The following ATXN10 variants were observed in gnomAD, a reference collection of about 807,000 sequenced individuals.
The protein encoded by ATXN10 is ataxin 10, also known as ataxin-10.
ATXN10 carries 28 observed loss-of-function variants against 52.9 expected under a neutral mutation model. That is an observed-to-expected ratio of 0.53 (90% CI 0.39 to 0.73). The LOEUF (loss-of-function observed/expected upper bound fraction) is 0.73. Among genes scored for constraint, ATXN10 ranks in the 30% least tolerant of loss-of-function variants. The pLI, the probability that ATXN10 is intolerant of heterozygous loss-of-function variation, is 0.00. For synonymous variants in ATXN10, 226 were observed against 221.5 expected (o/e 1.02, Z -0.18); for missense variants, 565 against 577.0 (o/e 0.98, Z 0.21).
Position 45,783,657 on chromosome 22 carries a change from C to T in ATXN10, c.1174-23302C>T, listed in dbSNP as rs5765620. On this transcript the variant is annotated intron_variant, in intron 9 of 11. Transcript: ENST00000252934. This position sits in a 1 kb window ranked among gnomAD's most constrained non-coding sequence, Gnocchi z 5.0. ...TCCCTTATCCCCACCCACATCCTGA[C>T]ATTGGTAAGAGCAGTACCTGTTTCT... Among the ~76,000 whole-genome samples the T allele has an allele frequency of 0.19, 29,107 of 152,152 alleles. 3,576 individuals carry two copies. The highest frequency in any genetic ancestry group is 0.49 in the East Asian group (2,540 of 5,162).
intron 1 of ATXN10, chr22:45,674,261 G>A (rs114512085): frequency 2.0e-5 from 3 of 152,178 alleles, no homozygotes; most frequent in Non-Finnish European, 4.4e-5. Flanking sequence ...GTTGGATTGT[G>A]GGGGGGAGAA....
chr22:45,825,238 G>C lies in ATXN10; in HGVS notation c.1238-17753G>C, dbSNP rs994884949. The stretch of plus-strand genomic sequence containing the variant: ...AGTGGAGACCATTATTGTTGCATCT[G>C]CCCCCATTGTTGTAAGTCCTTCCAC... On this transcript the variant is annotated intron_variant, in intron 10 of 11. Transcript: ENST00000252934. The surrounding 1 kb of genome is among the most constrained non-coding windows in gnomAD (Gnocchi z 4.5). 6.6e-6 allele frequency among the ~76,000 whole-genome samples: 1 copy of C among 152,180 alleles called. No homozygotes were observed. Among genetic ancestry groups the C allele is most frequent in the Non-Finnish European group, 1.5e-5 (1 of 68,034 alleles).
At chr22:45,674,400 G>C (rs1922599963) in intron 1 of ATXN10, 1 of 152,292 alleles carries the variant, frequency 6.6e-6, no homozygotes, top group African/African-American at 2.4e-5. Context: ...ACAGTTGTGT[G>C]GTGGTGCAGA....
intron 9 of ATXN10, among the ~76,000 whole-genome samples, chr22:45,747,857 G>A (rs1425977321): frequency 6.6e-6 from 1 of 152,058 alleles, no homozygotes; most frequent in Non-Finnish European, 1.5e-5. Context: ...GAGGCAGGAG[G>A]ATCACTTGAG....
intron 1 of ATXN10, chr22:45,672,690 C>G (rs1419005282): frequency 6.6e-6 from 1 of 152,498 alleles, no homozygotes; most frequent in African/African-American, 2.4e-5. Context: ...ACCATCTGCC[C>G]TGGGGGCAGC....
rs1421194070 is a variant in ATXN10 at position 45,701,082 on chromosome 22, G to A, written c.488+704G>A. Reference sequence around the variant, plus strand: ...GGAAAGGCACAGTCTGGGAGTGGGAGACCTGGCTTTGAATCTAGGCTTTGG... The same window carrying A: ...GGAAAGGCACAGTCTGGGAGTGGGAAACCTGGCTTTGAATCTAGGCTTTGG... On this transcript the variant is annotated intron_variant, in intron 4 of 11. Coordinates refer to ENST00000252934, the MANE Select transcript of ATXN10 (RefSeq NM_013236.4). This position sits in a 1 kb window ranked among gnomAD's most constrained non-coding sequence, Gnocchi z 4.2. Among the ~76,000 whole-genome samples, 1 of 152,200 alleles carries A rather than the reference G, an allele frequency of 6.6e-6. No homozygotes were observed. The highest frequency in any genetic ancestry group is 1.5e-5 in the Non-Finnish European group (1 of 68,042).
chr22:45,713,968 A>G lies in ATXN10; in HGVS notation c.648-4445A>G, dbSNP rs1172183114. ...ATGAATAGCCTTGGTTGCACATGTC[A>G]TATCGCATGTGGACAAGTAATGATT... On this transcript the variant is annotated intron_variant, in intron 5 of 11. Transcript: ENST00000252934. Among the ~76,000 whole-genome samples the G allele has an allele frequency of 3.3e-5, 5 of 152,330 alleles. No individual in the cohort carries two copies. The East Asian group carries it at 9.6e-4, about 29-fold the overall frequency.
At position 45,844,308 on chromosome 22, in the gene ATXN10, C is replaced by A. The variant is rs572756646; in HGVS notation, c.*637C>A. On this transcript the variant is annotated 3_prime_UTR_variant, in exon 12 of 12. Coordinates refer to ENST00000252934, the MANE Select transcript of ATXN10 (RefSeq NM_013236.4). ...TGTGGGCACTTAACTCTTCATGTTC[C>A]AGTTCATCCCAGAAGTAGACATCCC... 7 of 155,350 alleles carry A rather than the reference C, an allele frequency of 4.5e-5. No homozygotes were observed. Among genetic ancestry groups the A allele is most frequent in the African/African-American group, 1.7e-4 (7 of 41,560 alleles). The allele number at this position is 155,350 out of a possible 1,614,324, so 9.6% of individuals were successfully genotyped here. A position where few individuals can be genotyped will look rare whatever the true frequency, so the allele number is the denominator to read the frequency against.
chr22:45,714,193 G>A (rs760728723), intron 5 of ATXN10, among the ~76,000 whole-genome samples: 7 of 151,822 alleles, frequency 4.6e-5, no homozygotes, highest in Non-Finnish European at 1.0e-4. Flanking sequence ...GTTTTATTTC[G>A]TATTTTTCTT....
At chr22:45,751,740 G>GGAAAAAAAAA (rs1555892667) in intron 9 of ATXN10, among the ~76,000 whole-genome samples, 2 of 45,500 alleles carry the variant, frequency 4.4e-5, no homozygotes, top group Non-Finnish European at 7.4e-5. Context: ...CCTTTTTCTG[G>GGAAAAAAAAA]AAAAAAAAAA....
At chr22:45,800,481 A>G (rs929796122) in intron 9 of ATXN10, among the ~76,000 whole-genome samples, 7 of 151,180 alleles carry the variant, frequency 4.6e-5, no homozygotes, top group South Asian at 2.1e-4. Context: ...AGTAACTCCA[A>G]TACATTGTAG....
intron 10 of ATXN10, among the ~76,000 whole-genome samples, chr22:45,832,036 G>T (rs971279558): frequency 6.6e-6 from 1 of 152,228 alleles, no homozygotes; most frequent in Non-Finnish European, 1.5e-5. Flanking sequence ...CGTGCGGCTT[G>T]TAAAGTGGCA....
In ATXN10 at chr22:45,795,138, A is replaced by G. The variant is rs1411419478; in HGVS notation, c.1174-11821A>G. Among the ~76,000 whole-genome samples the G allele has an allele frequency of 6.6e-6, 1 of 152,192 alleles. No homozygotes were observed. Among genetic ancestry groups the G allele is most frequent in the Non-Finnish European group, 1.5e-5 (1 of 68,028 alleles). On this transcript the variant is annotated intron_variant, in intron 9 of 11. Coordinates refer to ENST00000252934, the MANE Select transcript of ATXN10 (RefSeq NM_013236.4). The surrounding 1 kb of genome is among the most constrained non-coding windows in gnomAD (Gnocchi z 4.6). ...GATGTATACTCTAAACTCCAGTGCA[A>G]CCACTTTTAGAAAAAGAGAGAGACA... is the stretch of plus-strand genomic sequence containing the variant.
intron 3 of ATXN10, among the ~76,000 whole-genome samples, chr22:45,698,922 T>A (rs1437808555): frequency 2.6e-5 from 4 of 152,242 alleles, no homozygotes; most frequent in African/African-American, 9.6e-5. Context: ...TCTTTCTCTG[T>A]GAGAACTTTA....
chr22:45,778,945 A>T (rs962888253), intron 9 of ATXN10, among the ~76,000 whole-genome samples: 3 of 152,204 alleles, frequency 2.0e-5, no homozygotes, highest in Admixed American at 1.3e-4. Flanking sequence ...AGTGGAATGG[A>T]TACAGAGTAT....
intron 10 of ATXN10, among the ~76,000 whole-genome samples, chr22:45,812,470 A>G (rs1025248541): frequency 1.3e-5 from 2 of 152,104 alleles, no homozygotes; most frequent in African/African-American, 4.8e-5. Context: ...GTGTGTATTT[A>G]TTTATCTGGG....
chr22:45,703,998 A>G (rs906188926), intron 5 of ATXN10: 1 of 152,232 alleles, frequency 6.6e-6, no homozygotes. Context: ...AAGCTCTGGC[A>G]TGCATGGTAT....
chr22:45,815,911 T>C (rs1928443493), intron 10 of ATXN10, among the ~76,000 whole-genome samples: 3 of 152,194 alleles, frequency 2.0e-5, no homozygotes, highest in African/African-American at 7.2e-5. Flanking sequence ...ACAAAATCTT[T>C]CATTAATCCT....
intron 1 of ATXN10, among the ~76,000 whole-genome samples, chr22:45,686,049 G>GTT (rs930636304): frequency 2.0e-4 from 31 of 152,174 alleles, no homozygotes; most frequent in African/African-American, 7.0e-4. Context: ...AATCTGACAC[G>GTT]TTTTTAAGTT....
Sources: allele counts gnomAD v4.1 joint callset (sites outside exome capture counted in the v4.1 genomes callset), GRCh38; gene constraint gnomAD v4.1.1; non-coding constraint Gnocchi (gnomAD v3.1); transcripts MANE v1.5; gene names NCBI Gene and HGNC (gene_info 2026-07-23, HGNC 2026-07-21).